The following ARHGAP6 variants were observed in gnomAD, a reference collection of about 807,000 sequenced individuals.
ARHGAP6 encodes the protein rho GTPase-activating protein 6.
In ARHGAP6, 16 loss-of-function variants were observed where a neutral mutation model predicts 55.7. The observed-to-expected ratio is 0.29, with a 90% CI of 0.19 to 0.44. The LOEUF (loss-of-function observed/expected upper bound fraction) is 0.44, where lower values mean the gene tolerates loss of function less well. Among genes scored for constraint, ARHGAP6 ranks in the 20% least tolerant of loss-of-function variants. ARHGAP6 has a pLI of 1.00. For missense variants in ARHGAP6, 698 were observed against 808.9 expected (o/e 0.86, Z 1.66); for synonymous variants, 382 against 360.9 (o/e 1.06, Z -0.66).
chrX:11,614,743 T>C (rs1405732713), intron 1 of ARHGAP6, among the ~76,000 whole-genome samples: 2 of 111,619 alleles, frequency 1.8e-5, no homozygotes, highest in Non-Finnish European at 1.9e-5. Flanking sequence ...TATTCTCAAC[T>C]AGGCAATATC....
intron 1 of ARHGAP6, among the ~76,000 whole-genome samples, chrX:11,522,966 A>T (rs1331784667): frequency 8.9e-6 from 1 of 111,786 alleles, no homozygotes; most frequent in Non-Finnish European, 1.9e-5. Flanking sequence ...CCTGATGAAC[A>T]TCGATGCAAA....
intron 2 of ARHGAP6, among the ~76,000 whole-genome samples, chrX:11,210,341 A>G (rs772656115): frequency 2.2e-4 from 25 of 112,784 alleles, no homozygotes; most frequent in Middle Eastern, 4.2e-3. Flanking sequence ...ATAACAGTAC[A>G]GCCTATTATT....
At chrX:11,650,581 A>G (rs2052573890) in intron 1 of ARHGAP6, among the ~76,000 whole-genome samples, 1 of 112,128 alleles carries the variant, frequency 8.9e-6, no homozygotes, top group African/African-American at 3.2e-5. Flanking sequence ...TAGCTCAAAG[A>G]AAATGAACTA....
intron 9 of ARHGAP6, among the ~76,000 whole-genome samples, chrX:11,166,600 C>T (rs912945475): frequency 3.6e-5 from 4 of 111,886 alleles, no homozygotes; most frequent in African/African-American, 1.3e-4. Flanking sequence ...AAACCACCAG[C>T]CTTGGTATAG....
intron 2 of ARHGAP6, among the ~76,000 whole-genome samples, chrX:11,243,523 G>A (rs1262400617): frequency 2.7e-5 from 3 of 112,238 alleles, no homozygotes; most frequent in Non-Finnish European, 5.6e-5. Context: ...CCCATTTAAT[G>A]CATAACTCAT....
intron 1 of ARHGAP6, among the ~76,000 whole-genome samples, chrX:11,296,611 A>G (rs1185222619): frequency 8.9e-6 from 1 of 111,978 alleles, no homozygotes; most frequent in Non-Finnish European, 1.9e-5. Context: ...GTTCAAACTA[A>G]AAACAGACCT....
At chrX:11,151,626 G>A (rs1300472942) in intron 10 of ARHGAP6, among the ~76,000 whole-genome samples, 1 of 111,900 alleles carries the variant, frequency 8.9e-6, no homozygotes, top group Non-Finnish European at 1.9e-5. Flanking sequence ...CTCCAATACC[G>A]ATGTTGCATA....
In ARHGAP6 at chrX:11,139,397, A is replaced by G. The variant is rs766785818; in HGVS notation, c.2391T>C (p.Ala797=). 2 of 1,187,385 alleles carry G rather than the reference A, an allele frequency of 1.7e-6. No individual in the cohort carries two copies. The highest frequency in any genetic ancestry group is 1.1e-6 in the Non-Finnish European group (1 of 885,367). ...CGGGGGCTGCGGCCTGAGTCCTCCG[A>G]GCCCCCTGCGTGTCGCTGTCCAGCT... ...PAELDSDTQG[A]RRTQAAAPAT... Residue 797 remains alanine, a synonymous_variant, in exon 13 of 13, where the codon GCT becomes GCC. Coordinates refer to ENST00000337414, the MANE Select transcript of ARHGAP6 (RefSeq NM_013427.3).
chrX:11,399,376 A>C (rs2049520036), intron 1 of ARHGAP6, among the ~76,000 whole-genome samples: 1 of 108,344 alleles, frequency 9.2e-6, no homozygotes, highest in African/African-American at 3.4e-5. Context: ...AAAAAAAAAA[A>C]ACCACTGGCT....
chrX:11,164,231 G>A (rs1448926859), intron 9 of ARHGAP6, among the ~76,000 whole-genome samples: 1 of 112,428 alleles, frequency 8.9e-6, no homozygotes, highest in Non-Finnish European at 1.9e-5. Context: ...TTTTGTGTAA[G>A]GAGGCATCAT....
intron 1 of ARHGAP6, among the ~76,000 whole-genome samples, chrX:11,589,618 A>T (rs747285131): frequency 9.1e-6 from 1 of 110,323 alleles, no homozygotes; most frequent in African/African-American, 3.3e-5. Flanking sequence ...AGTGAAGGAA[A>T]AAAGGTGTTT....
At chrX:11,545,123 A>T (rs2147077743) in intron 1 of ARHGAP6, among the ~76,000 whole-genome samples, 1 of 111,640 alleles carries the variant, frequency 9.0e-6, no homozygotes, top group South Asian at 3.8e-4. Flanking sequence ...CTATACAATG[A>T]TGAGGGGCAG....
intron 1 of ARHGAP6, among the ~76,000 whole-genome samples, chrX:11,385,245 T>C (rs1349581729): frequency 4.5e-5 from 5 of 111,443 alleles, no homozygotes; most frequent in Admixed American, 9.6e-5. Context: ...TCTGTTTTCC[T>C]TATTTGGGTC....
chrX:11,541,936 C>T (rs1007687541), intron 1 of ARHGAP6, among the ~76,000 whole-genome samples: 8 of 112,367 alleles, frequency 7.1e-5, no homozygotes. Context: ...AAGCATATAA[C>T]ATCACATACT....
At chrX:11,355,593 A>G (rs975192797) in intron 1 of ARHGAP6, among the ~76,000 whole-genome samples, 14 of 112,316 alleles carry the variant, frequency 1.2e-4, no homozygotes, top group African/African-American at 4.5e-4. Flanking sequence ...CATTCACCCA[A>G]GGATAAGTGA....
Position 11,439,704 on chromosome X carries a change from A to G in ARHGAP6, c.589-184997T>C, listed in dbSNP as rs867054261. 8.0e-5 allele frequency among the ~76,000 whole-genome samples: 9 copies of G among 112,485 alleles called. No individual in the cohort carries two copies. In the South Asian group the frequency reaches 2.2e-3, roughly 28 times the overall value. On this transcript the variant is annotated intron_variant, in intron 1 of 12. Transcript: ENST00000337414. ...ACCAAAGAGAAACCAGACTGCTTAG[A>G]TCAAGAGGACTTCCAAATTGGATGC...
At chrX:11,239,369 C>T (rs933496735) in intron 2 of ARHGAP6, among the ~76,000 whole-genome samples, 2 of 111,777 alleles carry the variant, frequency 1.8e-5, no homozygotes, top group Non-Finnish European at 3.8e-5. Context: ...TGAAGTGCTC[C>T]ACAGAACTGA....
intron 1 of ARHGAP6, among the ~76,000 whole-genome samples, chrX:11,451,131 AAG>A (rs1273170061): frequency 8.9e-6 from 1 of 111,795 alleles, no homozygotes; most frequent in South Asian, 3.8e-4. Flanking sequence ...ATCCTCAGGG[AAG>A]AGTTATCACA....
chrX:11,176,255 A>ATATTTATATATATATATATATATT (rs61017049), intron 8 of ARHGAP6, among the ~76,000 whole-genome samples: 1 of 60,412 alleles, frequency 1.7e-5, no homozygotes, highest in Non-Finnish European at 3.0e-5. Context: ...ATATATATAT[A>ATATTTATATATATATATATATATT]TATATATATT....
Sources: allele counts gnomAD v4.1 joint callset (sites outside exome capture counted in the v4.1 genomes callset), GRCh38; gene constraint gnomAD v4.1.1; transcripts MANE v1.5; gene names NCBI Gene and HGNC (gene_info 2026-07-23, HGNC 2026-07-21).